MTFR1: variants seen among roughly 807,000 people sequenced by gnomAD.
MTFR1 encodes the protein mitochondrial fission regulator 1, also known as chondrocyte protein with a poly-proline region.
MTFR1 carries 28 observed loss-of-function variants against 38.8 expected under a neutral mutation model. The ratio of observed to expected loss-of-function variants is 0.72; its 90% CI spans 0.53 to 0.99. The LOEUF (loss-of-function observed/expected upper bound fraction) is 0.99, where lower values mean the gene tolerates loss of function less well. Ranked by LOEUF, MTFR1 falls within the 50% of genes least tolerant of loss-of-function variation. MTFR1 has a pLI of 0.00. For missense variants in MTFR1, 358 were observed against 395.5 expected, an observed-to-expected ratio of 0.91 and a Z score of 0.81; for synonymous variants, 145 against 137.0, an observed-to-expected ratio of 1.06 and a Z score of -0.41.
At chr8:65,750,504 C>CTG (rs1043866998) in intron 3 of MTFR1, among the ~76,000 whole-genome samples, 3 of 143,154 alleles carry the variant, frequency 2.1e-5, no homozygotes, top group Non-Finnish European at 3.0e-5. Flanking sequence ...GTGTGTGTGT[C>CTG]TGTGTGTGTC....
rs1345640098 is a variant in MTFR1, at chr8:65,729,650, G to A, written c.*48+10169G>A. 4.0e-5 allele frequency among the ~76,000 whole-genome samples: 6 copies of A among 151,802 alleles called. No individual in the cohort carries two copies. The East Asian group carries it at 7.7e-4, about 20-fold the overall frequency. Reference sequence around the variant, plus strand: ...GCGATCTCGGCTCACTGCAGCCTCTGCCTCCCAGGTTCAATCGATTCTCTT... The same window carrying A: ...GCGATCTCGGCTCACTGCAGCCTCTACCTCCCAGGTTCAATCGATTCTCTT... On this transcript the variant is annotated intron_variant, in intron 3 of 3. Coordinates refer to the MTFR1 transcript ENST00000521247.
At chr8:65,724,202 G>T in intron 3 of MTFR1, 1 of 1,146,568 alleles carries the variant, frequency 8.7e-7, no homozygotes, top group Admixed American at 1.7e-5. Context: ...TTCTTACGAT[G>T]TTAAAAAAAA....
chr8:65,689,325 T>A (rs539748463), intron 3 of MTFR1, among the ~76,000 whole-genome samples: 1 of 152,364 alleles, frequency 6.6e-6, no homozygotes, highest in Admixed American at 6.5e-5. Flanking sequence ...ATTTTTATTC[T>A]AAGCTTTTCT....
upstream of MTFR1, chr8:65,644,596 C>G (rs112157870): frequency 1.3e-5 from 2 of 152,266 alleles, no homozygotes; most frequent in African/African-American, 4.8e-5. Flanking sequence ...TCTCAGCAGC[C>G]GGCTTGCGGA....
At chr8:65,645,690 T>TG (rs1808940141) in intron 1 of MTFR1, among the ~76,000 whole-genome samples, 2 of 48,024 alleles carry the variant, frequency 4.2e-5, no homozygotes, top group South Asian at 1.3e-3. Flanking sequence ...CACGCCCGGC[T>TG]TTCCCCCCCC....
intron 3 of MTFR1, chr8:65,728,707 G>A (rs1173146283): frequency 6.6e-6 from 1 of 152,152 alleles, no homozygotes; most frequent in Non-Finnish European, 1.5e-5. Flanking sequence ...GGGTGTCTAT[G>A]TCTTATGAAC....
At chr8:65,662,892 G>A (rs1044497467) in intron 1 of MTFR1, among the ~76,000 whole-genome samples, 23 of 150,760 alleles carry the variant, frequency 1.5e-4, no homozygotes, top group East Asian at 4.0e-4. Flanking sequence ...CAGCCGCCCC[G>A]TCCTGGAGGG....
chr8:65,760,634 T>C (rs1808441999), intron 3 of MTFR1, among the ~76,000 whole-genome samples: 2 of 152,196 alleles, frequency 1.3e-5, no homozygotes, highest in Non-Finnish European at 2.9e-5. Flanking sequence ...GGATAAAACA[T>C]GATGAGATCA....
chr8:65,709,322 ATTTC>A lies in MTFR1; in HGVS notation c.*279_*282del. 1 of 332,488 alleles carries A rather than the reference ATTTC, an allele frequency of 3.0e-6. No homozygotes were observed. Among genetic ancestry groups the A allele is most frequent in the Non-Finnish European group, 5.6e-6 (1 of 179,928 alleles). 20.6% of individuals were successfully genotyped at this position (332,488 alleles called of 1,614,324 possible). The stretch of plus-strand genomic sequence containing the variant: ...TCCAGTTTTGAAAACAATTGTATAG[ATTTC>A]ACAACACAAAAAGGACATTTGTGGA... On this transcript the variant is annotated 3_prime_UTR_variant, in exon 8 of 8. Transcript: ENST00000262146.
intron 2 of MTFR1, among the ~76,000 whole-genome samples, chr8:65,716,402 G>A (rs1806146761): frequency 6.6e-6 from 1 of 152,160 alleles, no homozygotes; most frequent in South Asian, 2.1e-4. Flanking sequence ...TTGAGGTAAT[G>A]ACGTTATTTA....
In MTFR1 at chr8:65,704,712, G is replaced by T. The variant is rs758352612; in HGVS notation, c.300G>T (p.Arg100Ser). ...SARLRTEVRS[R>S]PPLQDDLLFF... ...CTTGCAGGACAGAGGTCAGATCAAG[G>T]CCACCCCTTCAGGATGACCTTCTTT... The change falls in exon 5 of 8, where the codon AGG (arginine) becomes AGT (serine). Residue 100 changes from arginine (R) to serine (S), a missense_variant. Transcript: ENST00000262146. 3 of 1,614,088 alleles carry T rather than the reference G, an allele frequency of 1.9e-6. No individual in the cohort carries two copies. Among genetic ancestry groups the T allele is most frequent in the Non-Finnish European group, 2.5e-6 (3 of 1,179,996 alleles).
In MTFR1 at chr8:65,704,902, C is replaced by A; in HGVS notation, c.490C>A (p.Gln164Lys). The A allele has an allele frequency of 6.3e-7, 1 of 1,597,904 alleles. No individual in the cohort carries two copies. Among genetic ancestry groups the A allele is most frequent in the South Asian group, 1.1e-5 (1 of 89,498 alleles). The change falls in exon 5 of 8, where the codon CAG (glutamine) becomes AAG (lysine). Residue 164 changes from glutamine to lysine, a missense_variant. By Grantham distance (53) the Gln-to-Lys change is moderately conservative. Transcript: ENST00000262146. ...LRAQIAKIVT[Q>K]QEQQNLTAGD... is the part of the protein sequence containing the mutation. ...AGCTCAGATTGCCAAAATTGTGACCCAGCAGGAGCAGCAAAATCTCACTGC... is the reference window on the plus strand; with the variant it reads ...AGCTCAGATTGCCAAAATTGTGACCAAGCAGGAGCAGCAAAATCTCACTGC...
At chr8:65,666,595 C>G (rs765222521) in intron 1 of MTFR1, among the ~76,000 whole-genome samples, 2 of 152,096 alleles carry the variant, frequency 1.3e-5, no homozygotes, top group Non-Finnish European at 2.9e-5. Flanking sequence ...TAGTTTGCCC[C>G]TCTACAAATA....
At chr8:65,746,337 T>C (rs934361997) in intron 3 of MTFR1, among the ~76,000 whole-genome samples, 4 of 152,174 alleles carry the variant, frequency 2.6e-5, no homozygotes, top group African/African-American at 7.2e-5. Context: ...AATTAGGTAG[T>C]CTGTTTCTAG....
intron 2 of MTFR1, among the ~76,000 whole-genome samples, chr8:65,677,068 C>CTTTTTTTTTTTTTTT (rs1166560010): frequency 1.0e-5 from 1 of 100,108 alleles, no homozygotes; most frequent in African/African-American, 4.6e-5. Flanking sequence ...CTATTTCTCT[C>CTTTTTTTTTTTTTTT]TTTTTTTTTT....
chr8:65,689,144 CA>C (rs1805195086), intron 3 of MTFR1, among the ~76,000 whole-genome samples: 1 of 152,130 alleles, frequency 6.6e-6, no homozygotes, highest in Non-Finnish European at 1.5e-5. Flanking sequence ...GACTTGGTCT[CA>C]AAAACAAACA....
chr8:65,691,286 T>G (rs1805268193), intron 3 of MTFR1, among the ~76,000 whole-genome samples: 1 of 152,112 alleles, frequency 6.6e-6, no homozygotes, highest in African/African-American at 2.4e-5. Context: ...GAAGGCAAGA[T>G]TTTAAAATTT....
intron 3 of MTFR1, among the ~76,000 whole-genome samples, chr8:65,729,914 ACTGAAAGAAATGAAC>A (rs1341121933): frequency 6.6e-6 from 1 of 151,946 alleles, no homozygotes; most frequent in African/African-American, 2.4e-5. Flanking sequence ...CTGAGAAATT[ACTGAAAGAAATGAAC>A]CTCCCACACA....
At chr8:65,755,963 C>T (rs1206537295) in intron 3 of MTFR1, among the ~76,000 whole-genome samples, 3 of 152,192 alleles carry the variant, frequency 2.0e-5, no homozygotes, top group Non-Finnish European at 4.4e-5. Context: ...AATGAACTCC[C>T]TCAACTTTTG....
Sources: allele counts gnomAD v4.1 joint callset (sites outside exome capture counted in the v4.1 genomes callset), GRCh38; gene constraint gnomAD v4.1.1; transcripts MANE v1.5; gene names NCBI Gene and HGNC (gene_info 2026-07-23, HGNC 2026-07-21).